Variants in MDM2 observed in about 807,000 individuals in gnomAD.
MDM2 encodes MDM2 proto-oncogene.
In MDM2, 11 loss-of-function variants were observed where a neutral mutation model predicts 64.3. That is an observed-to-expected ratio of 0.17 (90% CI 0.11 to 0.28). The LOEUF (loss-of-function observed/expected upper bound fraction) is 0.28, where lower values mean the gene tolerates loss of function less well. MDM2 is among the 10% of genes least tolerant of loss of function. The pLI, the probability that MDM2 is intolerant of heterozygous loss-of-function variation, is 1.00. For missense variants in MDM2, 388 were observed against 577.1 expected, an observed-to-expected ratio of 0.67 and a Z score of 3.36; for synonymous variants, 194 against 192.9, an observed-to-expected ratio of 1.01 and a Z score of -0.05.
Position 68,841,157 on chromosome 12 carries a change from C to CT in MDM2, c.*1310dup. ...CACCTGGCCTCAGATTTTTGATACT[C>CT]TTAAACCTTCTGATCCTTAGTTTCT... On this transcript the variant is annotated 3_prime_UTR_variant, in exon 11 of 11. Coordinates refer to ENST00000258149, the MANE Select transcript of MDM2 (RefSeq NM_002392.6). 5.2e-6 allele frequency: 1 copy of CT among 190,618 alleles called. No homozygotes were observed. The highest frequency in any genetic ancestry group is 6.2e-5 in the Admixed American group (1 of 16,226). The allele number at this position is 190,618 out of a possible 1,614,324, so 11.8% of individuals were successfully genotyped here.
intron 5 of MDM2, among the ~76,000 whole-genome samples, chr12:68,821,526 C>G (rs1881850580): frequency 6.6e-6 from 1 of 151,694 alleles, no homozygotes; most frequent in Non-Finnish European, 1.5e-5. Context: ...AGTTCAAGAC[C>G]AGCCTGGGCA....
At chr12:68,826,642 C>A (rs1882345626) in intron 7 of MDM2, among the ~76,000 whole-genome samples, 2 of 123,226 alleles carry the variant, frequency 1.6e-5, no homozygotes, top group South Asian at 2.3e-4. Context: ...GAGTGAGACT[C>A]CCTCTTAAAA....
At chr12:68,818,301 C>G (rs1326410491) in intron 4 of MDM2, among the ~76,000 whole-genome samples, 1 of 151,658 alleles carries the variant, frequency 6.6e-6, no homozygotes, top group Non-Finnish European at 1.5e-5. Context: ...CTCAGCTGAG[C>G]AAGGGATTTT....
intron 4 of MDM2, among the ~76,000 whole-genome samples, chr12:68,818,022 A>G (rs773408815): frequency 5.9e-5 from 9 of 151,952 alleles, no homozygotes; most frequent in Non-Finnish European, 1.3e-4. Flanking sequence ...TTGAGCTCCT[A>G]ACCTTCGGTA....
Position 68,836,846 on chromosome 12 carries a change from T to A in MDM2, c.918+97T>A, listed in dbSNP as rs1391102911. The A allele has an allele frequency of 7.8e-6, 6 of 767,644 alleles. No homozygotes were observed. In the South Asian group the frequency reaches 1.0e-4, roughly 13 times the overall value. The allele number at this position is 767,644 out of a possible 1,614,324, so 47.6% of individuals were successfully genotyped here. On this transcript the variant is annotated intron_variant, in intron 10 of 10. Coordinates refer to ENST00000258149, the MANE Select transcript of MDM2 (RefSeq NM_002392.6). ...TCTTTCTGAAATGAACTGATTTTTA[T>A]AAAGTTAAAATGTTTTTGTAAAGTC...
chr12:68,847,196 T>TATATATATATATATATATATATATA (rs1884363867), downstream of MDM2: 5 of 92,058 alleles, frequency 5.4e-5, no homozygotes, highest in Admixed American at 9.8e-5. Context: ...TGTGTGTACA[T>TATATATATATATATATATATATATA]TATATATATA....
Position 68,841,976 on chromosome 12 carries a change from T to A in MDM2, c.*2127T>A, listed in dbSNP as rs1365532904. 1 of 388,094 alleles carries A rather than the reference T, an allele frequency of 2.6e-6. No homozygotes were observed. Among genetic ancestry groups the A allele is most frequent in the African/African-American group, 2.0e-5 (1 of 49,190 alleles). The allele number at this position is 388,094 out of a possible 1,614,324, so 24.0% of individuals were successfully genotyped here. Reference sequence around the variant, plus strand: ...CATCTACCCTGACCACATCATGATGTTCATCTGCAGCTGTTGCAAGGTGTT... The same window carrying A: ...CATCTACCCTGACCACATCATGATGATCATCTGCAGCTGTTGCAAGGTGTT... On this transcript the variant is annotated 3_prime_UTR_variant, in exon 11 of 11. Transcript: ENST00000258149.
chr12:68,809,146 A>C (rs1017228678), intron 1 of MDM2, 62 bp from the exon 2 acceptor site: 6 of 1,599,772 alleles, frequency 3.8e-6, no homozygotes, highest in Non-Finnish European at 4.3e-6. Flanking sequence ...TTTATATATG[A>C]TGTATTTTCC....
rs1182706429 is a variant in MDM2 at position 68,817,106 on chromosome 12, G to A, written c.308+161G>A. 14 of 706,184 alleles carry A rather than the reference G, an allele frequency of 2.0e-5. No individual in the cohort carries two copies. The South Asian group carries it at 2.7e-4, about 14-fold the overall frequency. 43.7% of individuals were successfully genotyped at this position (706,184 alleles called of 1,614,324 possible). On this transcript the variant is annotated intron_variant, in intron 4 of 10. Coordinates refer to ENST00000258149, the MANE Select transcript of MDM2 (RefSeq NM_002392.6). Reference sequence around the variant, plus strand: ...TGCGGCATATTATTTGAGAACCTGAGCTCTGGCATCTTATAAACCAGTGTT... The same window carrying A: ...TGCGGCATATTATTTGAGAACCTGAACTCTGGCATCTTATAAACCAGTGTT...
At chr12:68,837,105 C>T (rs1883375332) in intron 10 of MDM2, among the ~76,000 whole-genome samples, 1 of 151,706 alleles carries the variant, frequency 6.6e-6, no homozygotes. Context: ...AGGCATGCAC[C>T]ACTATACCCC....
intron 8 of MDM2, among the ~76,000 whole-genome samples, chr12:68,830,048 T>G (rs1882670869): frequency 6.6e-6 from 1 of 150,930 alleles, no homozygotes; most frequent in Non-Finnish European, 1.5e-5. Flanking sequence ...TAAACTTTCT[T>G]AAAATATTAT....
chr12:68,833,318 A>ATATAAATATAAAAATATATAT lies in MDM2; in HGVS notation c.685-2510_685-2509insATAAATATAAAAATATATATT. Among the ~76,000 whole-genome samples the ATATAAATATAAAAATATATAT allele has an allele frequency of 3.7e-4, 36 of 96,024 alleles. 8 individuals are homozygous for ATATAAATATAAAAATATATAT. Among genetic ancestry groups the ATATAAATATAAAAATATATAT allele is most frequent in the Non-Finnish European group, 6.8e-4 (31 of 45,590 alleles). 63.0% of individuals were successfully genotyped at this position (96,024 alleles called of 152,430 possible). On this transcript the variant is annotated intron_variant, in intron 8 of 10. Transcript: ENST00000258149. ...ATATTTATATAAATATAAAAATATA[A>ATATAAATATAAAAATATATAT]TTATATAAATATAAAAATATATATT...
chr12:68,815,518 T>C (rs557514764), intron 3 of MDM2: 2 of 181,572 alleles, frequency 1.1e-5, no homozygotes, highest in African/African-American at 2.4e-5. Context: ...CACTGCTCGC[T>C]GCAGCCTGGA....
chr12:68,825,695 G>A (rs1380855741), intron 7 of MDM2, among the ~76,000 whole-genome samples: 1 of 152,220 alleles, frequency 6.6e-6, no homozygotes, highest in Non-Finnish European at 1.5e-5. Context: ...GAAAATAGTT[G>A]AGAACAGTTA....
chr12:68,821,204 C>T (rs1356871974), intron 5 of MDM2, among the ~76,000 whole-genome samples: 4 of 151,948 alleles, frequency 2.6e-5, no homozygotes, highest in Admixed American at 2.0e-4. Flanking sequence ...TATGCCACCA[C>T]GCCCGGCTAA....
downstream of MDM2, chr12:68,850,409 T>A (rs889627858): frequency 6.6e-6 from 1 of 152,252 alleles, no homozygotes; most frequent in African/African-American, 2.4e-5. Flanking sequence ...ATTTCCTGTT[T>A]ATTTTCTAAA....
chr12:68,828,826 T>G lies in MDM2; in HGVS notation c.579T>G (p.Asp193Glu). 1 of 1,614,056 alleles carries G rather than the reference T, an allele frequency of 6.2e-7. No homozygotes were observed. The highest frequency in any genetic ancestry group is 1.3e-5 in the African/African-American group (1 of 75,042). The change falls in exon 8 of 11, where the codon GAT becomes GAG. Residue 193 changes from aspartate to glutamate, a missense_variant. This residue lies in a region of MDM2 where 168 missense variants were observed against 236.6 expected (regional missense o/e 0.71). Coordinates refer to ENST00000258149, the MANE Select transcript of MDM2 (RefSeq NM_002392.6). ...GERQRKRHKS[D>E]SISLSFDESL... ...GACAAAGAAAACGCCACAAATCTGA[T>G]AGTATTTCCCTTTCCTTTGATGAAA... is the stretch of plus-strand genomic sequence containing the variant.
At chr12:68,809,054 C>T (rs1009981087) in intron 1 of MDM2, 154 bp from the exon 2 acceptor site, 2 of 1,497,888 alleles carry the variant, frequency 1.3e-6, no homozygotes, top group East Asian at 2.3e-5. Context: ...CCTGTGGGCA[C>T]GGACGCACGC....
At chr12:68,828,576 A>G in intron 7 of MDM2, 195 bp from the exon 8 acceptor site, 1 of 494,660 alleles carries the variant, frequency 2.0e-6, no homozygotes, top group South Asian at 2.3e-5. Flanking sequence ...CCTTTCTCAG[A>G]CAATAAATAA....
Sources: allele counts gnomAD v4.1 joint callset (sites outside exome capture counted in the v4.1 genomes callset), GRCh38; gene constraint gnomAD v4.1.1; regional missense constraint gnomAD v4.1.1; transcripts MANE v1.5; gene names NCBI Gene and HGNC (gene_info 2026-07-23, HGNC 2026-07-21).